GPATCH2: variants seen among roughly 807,000 people sequenced by gnomAD.
GPATCH2 encodes G patch domain-containing protein 2.
Under a neutral mutation model 58.0 loss-of-function variants are expected in GPATCH2, and 51 were observed. The observed-to-expected ratio is 0.88, with a 90% CI of 0.70 to 1.11. GPATCH2 has a LOEUF of 1.11. Ranked by LOEUF, GPATCH2 falls within the 50% of genes most tolerant of loss-of-function variation. The pLI, the probability that GPATCH2 is intolerant of heterozygous loss-of-function variation, is 0.00. For missense variants in GPATCH2, 625 were observed against 652.2 expected (o/e 0.96, Z 0.45); for synonymous variants, 222 against 218.5 (o/e 1.02, Z -0.14).
intron 5 of GPATCH2, chr1:217,608,665 T>G (rs1041992104): frequency 6.1e-6 from 6 of 984,200 alleles, no homozygotes; most frequent in Admixed American, 1.2e-4. Flanking sequence ...TAAGGCAAAG[T>G]TCATAGGCCA....
intron 8 of GPATCH2, among the ~76,000 whole-genome samples, chr1:217,462,993 T>A (rs1660264432): frequency 6.6e-6 from 1 of 152,174 alleles, no homozygotes; most frequent in South Asian, 2.1e-4. Context: ...ATTAAAGAAA[T>A]GTGTGCCTCA....
chr1:217,471,461 C>A (rs955928927), intron 8 of GPATCH2, among the ~76,000 whole-genome samples: 2 of 152,102 alleles, frequency 1.3e-5, no homozygotes, highest in Non-Finnish European at 2.9e-5. Flanking sequence ...CCTTTCCAAA[C>A]AACAAATGAC....
rs1490816281 is a variant in GPATCH2, at chr1:217,427,196, G to C, written c.*3949C>G. ...TGGTCAGAGAGAGCGTGTGTACCTT[G>C]TTACATTAGAATCACAGAATCCTTG... is the stretch of plus-strand genomic sequence containing the variant. On this transcript the variant is annotated 3_prime_UTR_variant, in exon 10 of 10. Coordinates refer to ENST00000366935, the MANE Select transcript of GPATCH2 (RefSeq NM_018040.5). The C allele has an allele frequency of 6.6e-6, 1 of 152,106 alleles. No individual in the cohort carries two copies. Among genetic ancestry groups the C allele is most frequent in the Non-Finnish European group, 1.5e-5 (1 of 67,998 alleles). 9.4% of individuals were successfully genotyped at this position (152,106 alleles called of 1,614,324 possible).
At chr1:217,537,936 A>G (rs1664556103) in intron 5 of GPATCH2, among the ~76,000 whole-genome samples, 1 of 152,172 alleles carries the variant, frequency 6.6e-6, no homozygotes, top group South Asian at 2.1e-4. Flanking sequence ...AGTAACAAAC[A>G]CTAGGTTTTT....
At chr1:217,597,674 T>A (rs1418343564) in intron 5 of GPATCH2, among the ~76,000 whole-genome samples, 1 of 152,212 alleles carries the variant, frequency 6.6e-6, no homozygotes, top group Admixed American at 6.5e-5. Flanking sequence ...GGGTCATTCC[T>A]ACAAAGCTCA....
chr1:217,452,200 C>A (rs1456893781), intron 8 of GPATCH2, among the ~76,000 whole-genome samples: 2 of 152,108 alleles, frequency 1.3e-5, no homozygotes, highest in African/African-American at 4.8e-5. Context: ...ACTAGGTTTG[C>A]CATAGTTCAG....
intron 6 of GPATCH2, among the ~76,000 whole-genome samples, chr1:217,513,489 A>G (rs868068602): frequency 2.0e-5 from 3 of 152,172 alleles, no homozygotes; most frequent in Non-Finnish European, 4.4e-5. Flanking sequence ...GCCACAAAAA[A>G]TTTATTCAAT....
chr1:217,510,386 A>G (rs1299729999), intron 6 of GPATCH2, among the ~76,000 whole-genome samples: 1 of 151,742 alleles, frequency 6.6e-6, no homozygotes, highest in East Asian at 1.9e-4. Context: ...ACAAAAACCA[A>G]ACCAGGATGC....
intron 5 of GPATCH2, among the ~76,000 whole-genome samples, chr1:217,520,894 A>T (rs776735679): frequency 6.6e-6 from 1 of 152,152 alleles, no homozygotes. Context: ...GTGAGTACTC[A>T]CAACTCATAG....
intron 9 of GPATCH2, among the ~76,000 whole-genome samples, chr1:217,441,359 A>G (rs1189641705): frequency 6.8e-6 from 1 of 146,716 alleles, no homozygotes; most frequent in East Asian, 1.9e-4. Flanking sequence ...ATTAAGATGG[A>G]TTAAGAGTTA....
At chr1:217,562,615 C>T (rs1191774960) in intron 5 of GPATCH2, among the ~76,000 whole-genome samples, 3 of 152,174 alleles carry the variant, frequency 2.0e-5, no homozygotes, top group Non-Finnish European at 4.4e-5. Flanking sequence ...TACCAGTGGT[C>T]TAATCTGAAA....
chr1:217,519,463 A>G (rs1663340152), intron 5 of GPATCH2, among the ~76,000 whole-genome samples: 1 of 152,236 alleles, frequency 6.6e-6, no homozygotes, highest in Admixed American at 6.5e-5. Flanking sequence ...GATATCATTT[A>G]TAAGATTAAA....
At chr1:217,608,218 A>G in intron 5 of GPATCH2, 1 of 837,512 alleles carries the variant, frequency 1.2e-6, no homozygotes, top group Non-Finnish European at 1.4e-6. Flanking sequence ...ATTTTATTGA[A>G]AAAAAAAAAT....
At chr1:217,568,036 GA>G (rs1335979741) in intron 5 of GPATCH2, among the ~76,000 whole-genome samples, 1 of 152,136 alleles carries the variant, frequency 6.6e-6, no homozygotes, top group Admixed American at 6.5e-5. Flanking sequence ...AGAATGGTGT[GA>G]ACCCAGGAGG....
At chr1:217,458,115 A>G (rs1660036060) in intron 8 of GPATCH2, among the ~76,000 whole-genome samples, 1 of 149,946 alleles carries the variant, frequency 6.7e-6, no homozygotes, top group Non-Finnish European at 1.5e-5. Context: ...CTGTAGTCCC[A>G]GCTACTCCGG....
At chr1:217,575,959 G>A (rs1045550701) in intron 5 of GPATCH2, among the ~76,000 whole-genome samples, 3 of 152,010 alleles carry the variant, frequency 2.0e-5, no homozygotes, top group African/African-American at 4.8e-5. Flanking sequence ...CCAAGACACC[G>A]TGAGTGCAAT....
At chr1:217,533,143 AAGTGATCT>A (rs1664286477) in intron 5 of GPATCH2, among the ~76,000 whole-genome samples, 1 of 151,692 alleles carries the variant, frequency 6.6e-6, no homozygotes, top group Admixed American at 6.6e-5. Flanking sequence ...TCCTGAGCTC[AAGTGATCT>A]GCCTGCCTCA....
intron 5 of GPATCH2, among the ~76,000 whole-genome samples, chr1:217,554,055 C>T (rs569952506): frequency 7.9e-5 from 12 of 152,328 alleles, no homozygotes; most frequent in East Asian, 7.7e-4. Context: ...CATCCTTCTT[C>T]GGACCTTCTT....
chr1:217,495,460 A>G (rs376775483), intron 7 of GPATCH2, among the ~76,000 whole-genome samples: 127 of 152,336 alleles, frequency 8.3e-4, no homozygotes, highest in African/African-American at 3.0e-3. Context: ...TGTCCTCAAA[A>G]TTAAAAGGGG....
Sources: gnomAD v4.1 joint callset for allele counts (sites outside exome capture counted in the v4.1 genomes callset) on GRCh38, gnomAD v4.1.1 for gene constraint, MANE v1.5 for transcripts, NCBI Gene and HGNC (gene_info 2026-07-23, HGNC 2026-07-21) for gene names.